The following RALYL variants were observed in gnomAD, a reference collection of about 807,000 sequenced individuals.
The protein encoded by RALYL is RNA-binding Raly-like protein.
Under a neutral mutation model 35.1 loss-of-function variants are expected in RALYL, and 29 were observed. The observed-to-expected ratio is 0.83, with a 90% confidence interval of 0.61 to 1.13. The LOEUF is 1.13. Ranked by LOEUF, RALYL falls within the 50% of genes most tolerant of loss-of-function variation. The probability of loss-of-function intolerance (pLI) is 0.00; values close to 1 mark genes in which losing one functional copy is unlikely to be tolerated. For missense variants in RALYL, 359 were observed against 360.4 expected, an observed-to-expected ratio of 1.00 and a Z score of 0.03; for synonymous variants, 120 against 127.6, an observed-to-expected ratio of 0.94 and a Z score of 0.40.
chr8:84,221,412 C>G (rs72696321), intron 1 of RALYL, among the ~76,000 whole-genome samples: 1 of 152,080 alleles, frequency 6.6e-6, no homozygotes, highest in Non-Finnish European at 1.5e-5. Context: ...ACAGGATACA[C>G]TTTGATACGA....
At chr8:84,328,639 G>C (rs1256556117) in intron 1 of RALYL, among the ~76,000 whole-genome samples, 1 of 151,962 alleles carries the variant, frequency 6.6e-6, no homozygotes, top group African/African-American at 2.4e-5. Flanking sequence ...TTAGACTTGG[G>C]GGTACATGTG....
intron 2 of RALYL, among the ~76,000 whole-genome samples, chr8:84,709,008 T>C (rs1424201877): frequency 6.6e-6 from 1 of 152,190 alleles, no homozygotes; most frequent in Non-Finnish European, 1.5e-5. Context: ...TTTTTATTCC[T>C]AATAATATCT....
chr8:84,428,074 G>GCT (rs1171187412), intron 1 of RALYL, among the ~76,000 whole-genome samples: 2 of 123,040 alleles, frequency 1.6e-5, no homozygotes, highest in Non-Finnish European at 3.3e-5. Context: ...GCGCTTGCTC[G>GCT]CTGTCTCTCT....
chr8:84,280,690 T>C (rs1836358631), intron 1 of RALYL, among the ~76,000 whole-genome samples: 1 of 151,254 alleles, frequency 6.6e-6, no homozygotes, highest in African/African-American at 2.4e-5. Flanking sequence ...ATAGCTTAGC[T>C]TTGAATTCAT....
intron 1 of RALYL, among the ~76,000 whole-genome samples, chr8:84,303,742 G>A (rs973467274): frequency 3.3e-5 from 5 of 152,120 alleles, no homozygotes; most frequent in African/African-American, 9.7e-5. Context: ...TCAGAATAAT[G>A]ATATATTTTT....
intron 1 of RALYL, among the ~76,000 whole-genome samples, chr8:84,246,477 G>C (rs1357525010): frequency 6.6e-6 from 1 of 152,132 alleles, no homozygotes; most frequent in Non-Finnish European, 1.5e-5. Context: ...CCCTGAAGAA[G>C]TGATATTTAA....
At chr8:84,367,321 T>G (rs1854601266) in intron 1 of RALYL, among the ~76,000 whole-genome samples, 1 of 11,320 alleles carries the variant, frequency 8.8e-5, no homozygotes, top group Admixed American at 8.3e-4. Flanking sequence ...TTTTTGTATT[T>G]TTTTTTTTTT....
intron 1 of RALYL, among the ~76,000 whole-genome samples, chr8:84,432,341 G>A (rs1360923040): frequency 6.6e-6 from 1 of 152,068 alleles, no homozygotes; most frequent in Non-Finnish European, 1.5e-5. Flanking sequence ...GACTTACAGA[G>A]GCAGAGAATA....
At chr8:84,525,601 T>A (rs995182623) in intron 1 of RALYL, among the ~76,000 whole-genome samples, 1 of 152,082 alleles carries the variant, frequency 6.6e-6, no homozygotes, top group African/African-American at 2.4e-5. Flanking sequence ...GACTCCAGAT[T>A]TATATATGTT....
At chr8:84,263,216 C>T (rs375910583) in intron 1 of RALYL, among the ~76,000 whole-genome samples, 11 of 152,114 alleles carry the variant, frequency 7.2e-5, no homozygotes, top group Admixed American at 7.2e-4. Context: ...TAAATGCTTT[C>T]TTTGATACTA....
At chr8:84,660,038 A>G (rs1202877043) in intron 2 of RALYL, among the ~76,000 whole-genome samples, 1 of 152,196 alleles carries the variant, frequency 6.6e-6, no homozygotes, top group Non-Finnish European at 1.5e-5. Context: ...ACTTTGAAGA[A>G]TAGTAGAAGT....
chr8:84,913,790 G>T (rs1427048), intron 8 of RALYL, among the ~76,000 whole-genome samples: 14,311 of 151,612 alleles, frequency 0.094, 1,209 homozygotes, highest in African/African-American at 0.23. Context: ...GCTTTAAGTG[G>T]TTTTTTTTAA....
At chr8:84,627,695 A>G (rs1438335842) in intron 2 of RALYL, among the ~76,000 whole-genome samples, 2 of 151,698 alleles carry the variant, frequency 1.3e-5, no homozygotes, top group African/African-American at 2.4e-5. Context: ...GACCTATTCT[A>G]TGAGCTGAGG....
intron 1 of RALYL, among the ~76,000 whole-genome samples, chr8:84,517,195 G>A (rs1447345396): frequency 6.6e-6 from 1 of 152,096 alleles, no homozygotes; most frequent in Non-Finnish European, 1.5e-5. Flanking sequence ...AGCTATCACA[G>A]GATTTGCTTG....
chr8:84,700,557 T>C (rs1043387540), intron 2 of RALYL, among the ~76,000 whole-genome samples: 2 of 152,054 alleles, frequency 1.3e-5, no homozygotes, highest in Non-Finnish European at 2.9e-5. Flanking sequence ...AAATCGTTAT[T>C]TTTCCCTAAT....
chr8:84,921,014 A>G lies in RALYL; in HGVS notation c.*103A>G, dbSNP rs746242131. ...ACTGGACAGCAGCATCTTTGGTTCA[A>G]TTTATATAAAAACCCAAATAAATAA... On this transcript the variant is annotated 3_prime_UTR_variant, in exon 9 of 9. Transcript: ENST00000521268. 3.4e-6 allele frequency: 2 copies of G among 589,456 alleles called. No individual in the cohort carries two copies. The highest frequency in any genetic ancestry group is 5.6e-6 in the Non-Finnish European group (2 of 354,004). 36.5% of individuals were successfully genotyped at this position (589,456 alleles called of 1,614,324 possible).
At chr8:84,775,233 G>A (rs1182095979) in intron 3 of RALYL, among the ~76,000 whole-genome samples, 4 of 152,184 alleles carry the variant, frequency 2.6e-5, no homozygotes, top group Non-Finnish European at 4.4e-5. Context: ...TGGGATTACA[G>A]GCATGAGCCA....
intron 2 of RALYL, among the ~76,000 whole-genome samples, chr8:84,740,212 A>G (rs188262808): frequency 1.2e-3 from 190 of 152,092 alleles, no homozygotes; most frequent in African/African-American, 3.9e-3. Context: ...GAGCTCAAAA[A>G]CAGTGTGAAA....
chr8:84,633,672 A>C (rs1824419277), intron 2 of RALYL, among the ~76,000 whole-genome samples: 1 of 151,890 alleles, frequency 6.6e-6, no homozygotes, highest in African/African-American at 2.4e-5. Flanking sequence ...ATTACATATG[A>C]CATTTGGGAA....
Sources: gnomAD v4.1 joint callset for allele counts (sites outside exome capture counted in the v4.1 genomes callset) on GRCh38, gnomAD v4.1.1 for gene constraint, MANE v1.5 for transcripts, NCBI Gene and HGNC (gene_info 2026-07-23, HGNC 2026-07-21) for gene names.